Variants in RSU1 observed in about 807,000 individuals in gnomAD.
RSU1 encodes Ras suppressor protein 1.
Under a neutral mutation model 31.1 loss-of-function variants are expected in RSU1, and 26 were observed. The ratio of observed to expected loss-of-function variants is 0.84; its 90% CI spans 0.61 to 1.16. RSU1 has a LOEUF of 1.16. Among genes scored for constraint, RSU1 ranks in the 50% most tolerant of loss-of-function variants. The probability of loss-of-function intolerance (pLI) is 0.00; values close to 1 mark genes in which losing one functional copy is unlikely to be tolerated. For synonymous variants in RSU1, 164 were observed against 136.3 expected (o/e 1.20, Z -1.41); for missense variants, 320 against 339.1 (o/e 0.94, Z 0.44).
At chr10:16,803,689 C>A (rs780527837) in intron 2 of RSU1, among the ~76,000 whole-genome samples, 1 of 152,164 alleles carries the variant, frequency 6.6e-6, no homozygotes, top group East Asian at 1.9e-4. Flanking sequence ...CAAATATAAT[C>A]AGCTAATCTT....
chr10:16,661,652 T>G (rs1834893320), intron 8 of RSU1, among the ~76,000 whole-genome samples: 1 of 152,194 alleles, frequency 6.6e-6, no homozygotes, highest in Non-Finnish European at 1.5e-5. Context: ...CTTCCTTTCT[T>G]GGTAGGCTAA....
intron 2 of RSU1, among the ~76,000 whole-genome samples, chr10:16,805,703 G>C (rs1838253632): frequency 6.6e-6 from 1 of 150,608 alleles, no homozygotes; most frequent in East Asian, 1.9e-4. Context: ...TTTTTAAAGA[G>C]GGAGAATGAA....
At position 16,685,272 on chromosome 10, in the gene RSU1, G is replaced by T. The variant is rs1835420685; in HGVS notation, c.731+9751C>A. ...CTCAAAACCAAACAACACCAAATAA[G>T]ATTATTTAAAAATGAACTGTTACAG... On this transcript the variant is annotated intron_variant, in intron 8 of 8. Coordinates refer to ENST00000345264, the MANE Select transcript of RSU1 (RefSeq NM_012425.4). Among the ~76,000 whole-genome samples, 3 of 152,058 alleles carry T rather than the reference G, an allele frequency of 2.0e-5. No homozygotes were observed. The East Asian group carries it at 5.8e-4, about 29-fold the overall frequency.
At chr10:16,785,761 G>A (rs975402966) in intron 2 of RSU1, among the ~76,000 whole-genome samples, 4 of 151,522 alleles carry the variant, frequency 2.6e-5, no homozygotes, top group Non-Finnish European at 1.5e-5. Context: ...TAGGACACAC[G>A]ACTTCCATTT....
intron 7 of RSU1, among the ~76,000 whole-genome samples, chr10:16,711,314 T>C (rs1836014572): frequency 7.3e-6 from 1 of 137,462 alleles, no homozygotes; most frequent in Non-Finnish European, 1.6e-5. Context: ...AGCTTAAAGT[T>C]TGTTGATTTT....
At chr10:16,609,711 C>T (rs1174066198) in intron 8 of RSU1, among the ~76,000 whole-genome samples, 1 of 152,218 alleles carries the variant, frequency 6.6e-6, no homozygotes, top group East Asian at 1.9e-4. Context: ...AAGTATTCTT[C>T]CCTGAAAAAC....
chr10:16,781,414 A>G (rs1284624514), intron 3 of RSU1, among the ~76,000 whole-genome samples: 1 of 152,236 alleles, frequency 6.6e-6, no homozygotes, highest in Admixed American at 6.5e-5. Context: ...ATGTAAAGGT[A>G]TATCATGTAT....
chr10:16,662,589 A>G (rs1228799666), intron 8 of RSU1, among the ~76,000 whole-genome samples: 3 of 152,212 alleles, frequency 2.0e-5, no homozygotes, highest in Admixed American at 2.0e-4. Flanking sequence ...AAATTTAGTC[A>G]CAGCATTAGA....
At chr10:16,634,687 G>A (rs1834316431) in intron 8 of RSU1, among the ~76,000 whole-genome samples, 5 of 152,084 alleles carry the variant, frequency 3.3e-5, no homozygotes, top group Admixed American at 2.6e-4. Flanking sequence ...TTACCATTTG[G>A]CACAATTCCA....
At chr10:16,792,705 G>A (rs901817520) in intron 2 of RSU1, among the ~76,000 whole-genome samples, 4 of 152,216 alleles carry the variant, frequency 2.6e-5, no homozygotes, top group African/African-American at 9.6e-5. Context: ...TGTGCACAGA[G>A]ACAGCCACGT....
intron 7 of RSU1, among the ~76,000 whole-genome samples, chr10:16,750,357 G>T (rs1186206338): frequency 6.6e-6 from 1 of 152,070 alleles, no homozygotes; most frequent in South Asian, 2.1e-4. Flanking sequence ...TTCTACATAC[G>T]GCTCGCAAAA....
At chr10:16,694,616 G>C (rs1835635433) in intron 8 of RSU1, among the ~76,000 whole-genome samples, 1 of 151,996 alleles carries the variant, frequency 6.6e-6, no homozygotes, top group Non-Finnish European at 1.5e-5. Context: ...CTCTCATCCA[G>C]GCTCGAGTGC....
chr10:16,806,470 C>T lies in RSU1; in HGVS notation c.109+10503G>A, dbSNP rs181082293. On this transcript the variant is annotated intron_variant, in intron 2 of 8. Transcript: ENST00000345264. ...GGTGACTTTGAGCAAGTTAATGATGCTCCTTAAATCTGTTTCCTTACCTAT... is the reference window on the plus strand; with the variant it reads ...GGTGACTTTGAGCAAGTTAATGATGTTCCTTAAATCTGTTTCCTTACCTAT... Among the ~76,000 whole-genome samples the T allele has an allele frequency of 6.8e-3, 1,037 of 152,266 alleles. 23 individuals are homozygous for T. Among genetic ancestry groups the T allele is most frequent in the Middle Eastern group, 0.01 (3 of 294 alleles).
At chr10:16,684,371 T>C (rs1478026022) in intron 8 of RSU1, among the ~76,000 whole-genome samples, 3 of 152,204 alleles carry the variant, frequency 2.0e-5, no homozygotes, top group Non-Finnish European at 4.4e-5. Flanking sequence ...CCCAACTCTC[T>C]AGATACGAAT....
intron 8 of RSU1, among the ~76,000 whole-genome samples, chr10:16,619,468 T>A (rs866774471): frequency 6.6e-6 from 1 of 152,128 alleles, no homozygotes; most frequent in Non-Finnish European, 1.5e-5. Context: ...TCTTGGGAGG[T>A]ACCACTTAAT....
At chr10:16,817,282 AGCAACCCCAAGT>A (rs1838564596) in intron 1 of RSU1, 21 bp downstream of exon 1, 4 of 578,370 alleles carry the variant, frequency 6.9e-6, no homozygotes, top group African/African-American at 5.6e-5. Context: ...CGCAGCGAGA[AGCAACCCCAAGT>A]GCAACACCGC....
chr10:16,751,055 C>T lies in RSU1; in HGVS notation c.598+1484G>A, dbSNP rs191664508. 1.6e-4 allele frequency among the ~76,000 whole-genome samples: 24 copies of T among 152,000 alleles called. No homozygotes were observed. In the East Asian group the frequency reaches 2.1e-3, roughly 14 times the overall value. ...TAATTTTTTGTACTTTTTGTAGAGACGGGGTTTCACCATGTTGCACAGGCT... is the reference window on the plus strand; with the variant it reads ...TAATTTTTTGTACTTTTTGTAGAGATGGGGTTTCACCATGTTGCACAGGCT... On this transcript the variant is annotated intron_variant, in intron 7 of 8. Coordinates refer to ENST00000345264, the MANE Select transcript of RSU1 (RefSeq NM_012425.4).
At chr10:16,635,979 C>T (rs762576148) in intron 8 of RSU1, among the ~76,000 whole-genome samples, 3 of 152,192 alleles carry the variant, frequency 2.0e-5, no homozygotes, top group Admixed American at 6.5e-5. Flanking sequence ...CAGGACACTG[C>T]GCCCTCTCGG....
chr10:16,646,508 T>C (rs146188433), intron 8 of RSU1, among the ~76,000 whole-genome samples: 2 of 152,266 alleles, frequency 1.3e-5, no homozygotes, highest in African/African-American at 4.8e-5. Context: ...ATCAAACCCT[T>C]CCACCCTGAT....
Sources: allele counts gnomAD v4.1 joint callset (sites outside exome capture counted in the v4.1 genomes callset), GRCh38; gene constraint gnomAD v4.1.1; transcripts MANE v1.5; gene names NCBI Gene and HGNC (gene_info 2026-07-23, HGNC 2026-07-21).